Variants in CACNA2D2 observed in about 807,000 individuals in gnomAD.
The protein encoded by CACNA2D2 is calcium voltage-gated channel auxiliary subunit alpha2delta 2.
In CACNA2D2, 48 loss-of-function variants were observed where a neutral mutation model predicts 166.4. That is an observed-to-expected ratio of 0.29 (90% CI 0.23 to 0.37). The LOEUF is 0.37. Among genes scored for constraint, CACNA2D2 ranks in the 10% least tolerant of loss-of-function variants. CACNA2D2 has a pLI of 1.00. For synonymous variants in CACNA2D2, 561 were observed against 573.7 expected (o/e 0.98, Z 0.32); for missense variants, 1,122 against 1,433.0 (o/e 0.78, Z 3.50).
rs772005789 is a variant in CACNA2D2, at chr3:50,379,467, C to A, written c.1117G>T (p.Ala373Ser). The change falls in exon 11 of 38, where the codon GCC becomes TCC. Residue 373 changes from alanine to serine, a missense_variant. This residue lies in a region of CACNA2D2 where 840 missense variants were observed against 1,166.8 expected (regional missense o/e 0.72). Coordinates refer to ENST00000424201, the MANE Select transcript of CACNA2D2 (RefSeq NM_006030.4). The surrounding 1 kb of genome is among the most constrained non-coding windows in gnomAD (Gnocchi z 6.5). ...MVAKGTTGYK[A>S]GFEYAFDQLQ... Reference sequence around the variant, plus strand: ...TGGTCAAAGGCATACTCAAAGCCGGCCTTGTAGCCTGTGGTGCCCTTGGCC... The same window carrying A: ...TGGTCAAAGGCATACTCAAAGCCGGACTTGTAGCCTGTGGTGCCCTTGGCC... 1 of 1,613,948 alleles carries A rather than the reference C, an allele frequency of 6.2e-7. No individual in the cohort carries two copies. Among genetic ancestry groups the A allele is most frequent in the South Asian group, 1.1e-5 (1 of 91,080 alleles).
chr3:50,479,967 G>C (rs1041630623), intron 1 of CACNA2D2, among the ~76,000 whole-genome samples: 1 of 152,234 alleles, frequency 6.6e-6, no homozygotes, highest in South Asian at 2.1e-4. Context: ...TGAGGGGAGA[G>C]TGGCCAGGAG....
At position 50,503,464 on chromosome 3, in the gene CACNA2D2, T is replaced by TGGC. The variant is rs530076217; in HGVS notation, c.-44_-42dup. 238 of 74,348 alleles carry TGGC rather than the reference T, an allele frequency of 3.2e-3. 2 individuals carry two copies. The highest frequency in any genetic ancestry group is 7.8e-3 in the African/African-American group (138 of 17,608). 4.6% of individuals were successfully genotyped at this position (74,348 alleles called of 1,614,324 possible). A position where few individuals can be genotyped will look rare whatever the true frequency, so the allele number is the denominator to read the frequency against. ...GCGGCGCCGCGGGGAGGGGGGGCAG[T>TGGC]GGCGGCGGCGGCGGCGGCGGCGGGG... On this transcript the variant is annotated 5_prime_UTR_variant, in exon 1 of 38. Transcript: ENST00000424201.
intron 3 of CACNA2D2, among the ~76,000 whole-genome samples, chr3:50,412,398 C>A (rs1707059389): frequency 1.3e-5 from 2 of 152,292 alleles, no homozygotes; most frequent in Middle Eastern, 3.4e-3. Context: ...GATAACGAAT[C>A]GCTCCATTTA....
At chr3:50,385,353 C>T (rs963270644) in intron 5 of CACNA2D2, among the ~76,000 whole-genome samples, 2 of 152,136 alleles carry the variant, frequency 1.3e-5, no homozygotes, top group African/African-American at 4.8e-5. Flanking sequence ...CCCTCACTGC[C>T]CCTCAAAGCC....
rs1259563759 is a variant in CACNA2D2 at position 50,376,953 on chromosome 3, TC to T, written c.1626+513del. On this transcript the variant is annotated intron_variant, in intron 17 of 37. Coordinates refer to ENST00000424201, the MANE Select transcript of CACNA2D2 (RefSeq NM_006030.4). The surrounding 1 kb of genome is among the most constrained non-coding windows in gnomAD (Gnocchi z 4.3). ...TTCCCTCTGCCTCCAATGTACGCCA[TC>T]CCCTCCTTTCCTTTCTGCCTGGGAC... Among the ~76,000 whole-genome samples the T allele has an allele frequency of 6.6e-6, 1 of 152,208 alleles. No individual in the cohort carries two copies. The highest frequency in any genetic ancestry group is 1.5e-5 in the Non-Finnish European group (1 of 68,040).
chr3:50,386,674 TG>T (rs1483806704), intron 5 of CACNA2D2, among the ~76,000 whole-genome samples: 1 of 152,102 alleles, frequency 6.6e-6, no homozygotes, highest in African/African-American at 2.4e-5. Context: ...CTGGTGTCAT[TG>T]GGTACCTCTC....
intron 3 of CACNA2D2, among the ~76,000 whole-genome samples, chr3:50,400,213 G>A (rs1195607072): frequency 6.6e-6 from 1 of 152,222 alleles, no homozygotes; most frequent in Non-Finnish European, 1.5e-5. Context: ...TGCCAGGGGG[G>A]AGCTGGAGCC....
In CACNA2D2 at chr3:50,440,763, C is replaced by G. The variant is rs555614490; in HGVS notation, c.289-6334G>C. On this transcript the variant is annotated intron_variant, in intron 2 of 37. Transcript: ENST00000424201. ...AGCAGAGATGGAACAGACCTCGTCC[C>G]TGCCCTCCTGGGACTCTCTATCCAG... 2.0e-5 allele frequency among the ~76,000 whole-genome samples: 3 copies of G among 152,210 alleles called. 1 individual carries two copies. In the Middle Eastern group the frequency reaches 0.01, roughly 518 times the overall value.
At chr3:50,388,627 G>T (rs587656017) in intron 4 of CACNA2D2, among the ~76,000 whole-genome samples, 5 of 152,218 alleles carry the variant, frequency 3.3e-5, no homozygotes. Context: ...CGCAGATGTC[G>T]CCCGGACACC....
At chr3:50,479,679 G>C (rs1255110251) in intron 1 of CACNA2D2, among the ~76,000 whole-genome samples, 1 of 151,798 alleles carries the variant, frequency 6.6e-6, no homozygotes, top group Non-Finnish European at 1.5e-5. Context: ...TCCAGCAGAA[G>C]GGAGGGGGCC....
At chr3:50,434,531 A>G in intron 2 of CACNA2D2, 102 bp from the exon 3 acceptor site, 1 of 825,480 alleles carries the variant, frequency 1.2e-6, no homozygotes. Flanking sequence ...CACAGTATTC[A>G]CCCGCACCCA....
At chr3:50,485,871 C>G (rs1324513024) in intron 1 of CACNA2D2, among the ~76,000 whole-genome samples, 1 of 152,194 alleles carries the variant, frequency 6.6e-6, no homozygotes, top group Non-Finnish European at 1.5e-5. Flanking sequence ...AAGCCCGGGC[C>G]TCCCAGGGGC....
chr3:50,435,917 T>C (rs1708300552), intron 2 of CACNA2D2, among the ~76,000 whole-genome samples: 1 of 152,012 alleles, frequency 6.6e-6, no homozygotes, highest in Non-Finnish European at 1.5e-5. Flanking sequence ...CCCGAGTGAG[T>C]GCCAGGCCAG....
chr3:50,419,485 T>C (rs532871345), intron 3 of CACNA2D2, among the ~76,000 whole-genome samples: 1 of 152,288 alleles, frequency 6.6e-6, no homozygotes, highest in Admixed American at 6.5e-5. Context: ...TTGAGGCCCA[T>C]GACACCAAAC....
chr3:50,448,166 T>A (rs1708940766), intron 2 of CACNA2D2, among the ~76,000 whole-genome samples: 1 of 152,156 alleles, frequency 6.6e-6, no homozygotes, highest in Non-Finnish European at 1.5e-5. Context: ...AGGGCAGGCA[T>A]TCCCTGGACA....
At chr3:50,502,305 G>C (rs1382642483) in intron 1 of CACNA2D2, among the ~76,000 whole-genome samples, 2 of 152,190 alleles carry the variant, frequency 1.3e-5, no homozygotes, top group African/African-American at 4.8e-5. Flanking sequence ...TGGTCACCGT[G>C]CCCCAAAGGG....
At chr3:50,491,295 G>C (rs555406207) in intron 1 of CACNA2D2, among the ~76,000 whole-genome samples, 2 of 152,250 alleles carry the variant, frequency 1.3e-5, no homozygotes, top group African/African-American at 4.8e-5. Flanking sequence ...TGAGAACAGT[G>C]AGGACACTGA....
Position 50,503,415 on chromosome 3 carries a change from C to T in CACNA2D2, c.9G>A (p.Val3=). The T allele has an allele frequency of 4.6e-6, 1 of 217,394 alleles. No homozygotes were observed. 13.5% of individuals were successfully genotyped at this position (217,394 alleles called of 1,614,324 possible). A position where few individuals can be genotyped will look rare whatever the true frequency, so the allele number is the denominator to read the frequency against. The change falls in exon 1 of 38, where the codon GTG becomes GTA. Residue 3 remains valine (V), a synonymous_variant. Transcript: ENST00000424201. MA[V]PARTCGASRP... ...GAGAGGCGCCGCAGGTCCGAGCCGG[C>T]ACCGCCATGTTTCCATTCAAGATGC...
intron 4 of CACNA2D2, among the ~76,000 whole-genome samples, chr3:50,390,917 C>T (rs1409795253): frequency 6.6e-6 from 1 of 152,230 alleles, no homozygotes; most frequent in Non-Finnish European, 1.5e-5. Flanking sequence ...CCACCAGCTG[C>T]CTGTGCAGGC....
Sources: gnomAD v4.1 joint callset for allele counts (sites outside exome capture counted in the v4.1 genomes callset) on GRCh38, gnomAD v4.1.1 for gene constraint, gnomAD v4.1.1 regional missense constraint, Gnocchi (gnomAD v3.1) non-coding constraint, MANE v1.5 for transcripts, NCBI Gene and HGNC (gene_info 2026-07-23, HGNC 2026-07-21) for gene names.